ZBTB7C: variants seen among roughly 807,000 people sequenced by gnomAD.
ZBTB7C encodes zinc finger and BTB domain containing 7C, also known as zinc finger and BTB domain-containing protein 7C.
In ZBTB7C, 8 loss-of-function variants were observed where a neutral mutation model predicts 25.7. The observed-to-expected ratio is 0.31, with a 90% CI of 0.18 to 0.56. ZBTB7C has a LOEUF of 0.56. Ranked by LOEUF, ZBTB7C falls within the 20% of genes least tolerant of loss-of-function variation. The pLI is 0.91. For missense variants in ZBTB7C, 824 were observed against 855.2 expected, an observed-to-expected ratio of 0.96 and a Z score of 0.46; for synonymous variants, 394 against 369.0, an observed-to-expected ratio of 1.07 and a Z score of -0.78.
At chr18:48,064,868 CAGG>C (rs1445023002) in intron 3 of ZBTB7C, among the ~76,000 whole-genome samples, 4 of 152,292 alleles carry the variant, frequency 2.6e-5, no homozygotes, top group Non-Finnish European at 4.4e-5. Context: ...AGGAAAATGG[CAGG>C]AGAAGACCTG....
intron 3 of ZBTB7C, among the ~76,000 whole-genome samples, chr18:48,070,469 G>T (rs1403369798): frequency 3.9e-5 from 6 of 152,214 alleles, no homozygotes; most frequent in Non-Finnish European, 8.8e-5. Context: ...AGAAGAGGAA[G>T]AAGACTGCCT....
chr18:48,268,603 G>A (rs1363252103), intron 2 of ZBTB7C, among the ~76,000 whole-genome samples: 13 of 152,060 alleles, frequency 8.5e-5, no homozygotes, highest in Non-Finnish European at 2.9e-5. Flanking sequence ...GGGTGGGGGG[G>A]ATTCTCAATA....
intron 2 of ZBTB7C, among the ~76,000 whole-genome samples, chr18:48,287,415 G>A (rs2045089490): frequency 6.6e-6 from 1 of 152,152 alleles, no homozygotes; most frequent in South Asian, 2.1e-4. Flanking sequence ...TAAATACACT[G>A]AATCAGTAAT....
intron 3 of ZBTB7C, among the ~76,000 whole-genome samples, chr18:48,153,679 G>T (rs986303734): frequency 9.2e-5 from 14 of 152,226 alleles, no homozygotes; most frequent in African/African-American, 2.7e-4. Flanking sequence ...ACTGGCCACT[G>T]GCCATAGGAC....
chr18:48,176,667 A>T (rs2041690362), intron 3 of ZBTB7C, among the ~76,000 whole-genome samples: 1 of 151,964 alleles, frequency 6.6e-6, no homozygotes, highest in Admixed American at 6.6e-5. Flanking sequence ...ATGATTAAGC[A>T]AGTGCTGTAA....
At chr18:48,271,848 A>G (rs1054017829) in intron 2 of ZBTB7C, among the ~76,000 whole-genome samples, 11 of 152,192 alleles carry the variant, frequency 7.2e-5, no homozygotes, top group African/African-American at 2.7e-4. Context: ...TTAAAAACTA[A>G]TGACAAACAT....
intron 2 of ZBTB7C, among the ~76,000 whole-genome samples, chr18:48,295,119 G>T (rs752386741): frequency 6.6e-6 from 1 of 152,168 alleles, no homozygotes; most frequent in Non-Finnish European, 1.5e-5. Flanking sequence ...CTCCACAGGG[G>T]AGAAGCCCAG....
chr18:48,289,021 A>C lies in ZBTB7C; in HGVS notation c.-79+49153T>G, dbSNP rs185972477. Among the ~76,000 whole-genome samples, 368 of 152,298 alleles carry C rather than the reference A, an allele frequency of 2.4e-3. 2 individuals carry two copies. The highest frequency in any genetic ancestry group is 0.019 in the South Asian group (93 of 4,822). ...CATTTATTGAACTCAAAAAGTAAAA[A>C]TTGTTGACTGAACTTCAGTGACCAA... On this transcript the variant is annotated intron_variant, in intron 2 of 4. Transcript: ENST00000590800.
chr18:48,200,871 T>C (rs1040141396), intron 2 of ZBTB7C, among the ~76,000 whole-genome samples: 2 of 152,186 alleles, frequency 1.3e-5, no homozygotes, highest in African/African-American at 4.8e-5. Context: ...CACCTGCCTC[T>C]TGAAAAGCAA....
At chr18:48,172,768 A>G (rs1016002178) in intron 3 of ZBTB7C, among the ~76,000 whole-genome samples, 3 of 152,182 alleles carry the variant, frequency 2.0e-5, no homozygotes, top group East Asian at 1.9e-4. Context: ...AGCCTGCCAC[A>G]GTAGGGGTGG....
At chr18:48,368,244 A>G (rs988696589) in intron 1 of ZBTB7C, among the ~76,000 whole-genome samples, 10 of 146,642 alleles carry the variant, frequency 6.8e-5, no homozygotes, top group African/African-American at 2.3e-4. Flanking sequence ...AAGCCTAGCA[A>G]AAAAAAAAAA....
intron 2 of ZBTB7C, among the ~76,000 whole-genome samples, 172 bp from the exon 3 acceptor site, chr18:48,186,167 C>CGCAGGATTCCACCCCTCCAGGCCCGT (rs1316282708): frequency 4.6e-5 from 7 of 152,226 alleles, no homozygotes; most frequent in Non-Finnish European, 1.0e-4. Context: ...CCTCGCTCCT[C>CGCAGGATTCCACCCCTCCAGGCCCGT]GCAGGATTCC....
intron 2 of ZBTB7C, among the ~76,000 whole-genome samples, chr18:48,303,813 T>C (rs1257507240): frequency 6.6e-6 from 1 of 152,216 alleles, no homozygotes; most frequent in Non-Finnish European, 1.5e-5. Context: ...ATATCCCTTT[T>C]TCAAGGTGAA....
At chr18:48,385,509 G>A (rs911866676) in intron 1 of ZBTB7C, among the ~76,000 whole-genome samples, 4 of 152,198 alleles carry the variant, frequency 2.6e-5, no homozygotes, top group Non-Finnish European at 5.9e-5. Context: ...TACAGCTGGA[G>A]AGAGTGGGTA....
chr18:48,316,481 C>A (rs1271670748), intron 2 of ZBTB7C, among the ~76,000 whole-genome samples: 1 of 152,214 alleles, frequency 6.6e-6, no homozygotes, highest in Admixed American at 6.5e-5. Flanking sequence ...TGAAATGTGA[C>A]CCCCAGTGTT....
intron 3 of ZBTB7C, among the ~76,000 whole-genome samples, chr18:48,101,060 C>A (rs1380636517): frequency 2.1e-5 from 3 of 145,896 alleles, no homozygotes; most frequent in Admixed American, 1.4e-4. Flanking sequence ...CTCTCTGACT[C>A]CTCCTTGCTC....
At chr18:48,048,224 G>C (rs2036549711) in intron 3 of ZBTB7C, among the ~76,000 whole-genome samples, 1 of 152,200 alleles carries the variant, frequency 6.6e-6, no homozygotes, top group Admixed American at 6.5e-5. Context: ...GTCAGGGAAG[G>C]CTTCTAGGAA....
chr18:48,237,096 C>T (rs1309903163), intron 2 of ZBTB7C, among the ~76,000 whole-genome samples: 1 of 152,150 alleles, frequency 6.6e-6, no homozygotes, highest in Non-Finnish European at 1.5e-5. Flanking sequence ...CCGGAGCAGA[C>T]AGTGGGGGAG....
chr18:48,042,633 C>T (rs957063592), intron 3 of ZBTB7C, among the ~76,000 whole-genome samples: 4 of 152,172 alleles, frequency 2.6e-5, no homozygotes, highest in Non-Finnish European at 5.9e-5. Context: ...GGTGCCCCTC[C>T]GCTGCCCTCA....
Sources: gnomAD v4.1 joint callset for allele counts (sites outside exome capture counted in the v4.1 genomes callset) on GRCh38, gnomAD v4.1.1 for gene constraint, MANE v1.5 for transcripts, NCBI Gene and HGNC (gene_info 2026-07-23, HGNC 2026-07-21) for gene names.